Variants in JARID2 observed in about 807,000 individuals in gnomAD.
JARID2 encodes the protein protein Jumonji.
In JARID2, 21 loss-of-function variants were observed where a neutral mutation model predicts 125.6. The ratio of observed to expected loss-of-function variants is 0.17; its 90% CI spans 0.12 to 0.24. The LOEUF is 0.24. JARID2 is among the 10% of genes least tolerant of loss of function. The pLI, the probability that JARID2 is intolerant of heterozygous loss-of-function variation, is 1.00. For missense variants in JARID2, 1,303 were observed against 1,639.6 expected (o/e 0.79, Z 3.55); for synonymous variants, 736 against 661.6 (o/e 1.11, Z -1.73).
chr6:15,267,646 T>A (rs1479025944), intron 1 of JARID2, among the ~76,000 whole-genome samples: 1 of 152,198 alleles, frequency 6.6e-6, no homozygotes, highest in African/African-American at 2.4e-5. Flanking sequence ...GGCTGTCCTG[T>A]CTTCAGAAGT....
chr6:15,380,015 AT>A (rs35957436), intron 2 of JARID2, among the ~76,000 whole-genome samples: 155 of 143,534 alleles, frequency 1.1e-3, no homozygotes, highest in Non-Finnish European at 1.2e-3. Context: ...AGGTAAGTGG[AT>A]TTTTTTTTTT....
intron 3 of JARID2, among the ~76,000 whole-genome samples, chr6:15,422,421 C>T (rs1481239901): frequency 6.6e-6 from 1 of 152,120 alleles, no homozygotes; most frequent in African/African-American, 2.4e-5. Flanking sequence ...CAAGGTGAAC[C>T]TGAGTTCCTG....
intron 4 of JARID2, among the ~76,000 whole-genome samples, chr6:15,459,570 A>G (rs1768349327): frequency 6.6e-6 from 1 of 152,114 alleles, no homozygotes; most frequent in Admixed American, 6.5e-5. Flanking sequence ...CATTTTTTCC[A>G]GTGAATTGAG....
intron 1 of JARID2, among the ~76,000 whole-genome samples, chr6:15,362,878 T>A (rs1397446029): frequency 6.6e-6 from 1 of 152,190 alleles, no homozygotes; most frequent in Non-Finnish European, 1.5e-5. Context: ...CAGACAGGAT[T>A]ACCTGGATTT....
intron 3 of JARID2, among the ~76,000 whole-genome samples, chr6:15,433,991 A>G (rs1240455364): frequency 6.9e-6 from 1 of 144,966 alleles, no homozygotes; most frequent in East Asian, 2.1e-4. Flanking sequence ...AATAGGGTTG[A>G]GAATATGTAT....
At chr6:15,385,837 G>A (rs1561829093) in intron 2 of JARID2, among the ~76,000 whole-genome samples, 1 of 152,084 alleles carries the variant, frequency 6.6e-6, no homozygotes, top group African/African-American at 2.4e-5. Context: ...TGCTCACACC[G>A]TGACACCCTA....
chr6:15,438,756 C>T (rs948332078), intron 3 of JARID2, among the ~76,000 whole-genome samples: 3 of 152,240 alleles, frequency 2.0e-5, no homozygotes, highest in East Asian at 3.9e-4. Flanking sequence ...TGGCCATGCT[C>T]GGTGGCTCAC....
At chr6:15,271,991 C>G (rs1366920356) in intron 1 of JARID2, among the ~76,000 whole-genome samples, 1 of 152,134 alleles carries the variant, frequency 6.6e-6, no homozygotes, top group Non-Finnish European at 1.5e-5. Flanking sequence ...CAGAGCGAGA[C>G]TGTCGCCTGT....
At chr6:15,290,176 C>A (rs1464865098) in intron 1 of JARID2, among the ~76,000 whole-genome samples, 1 of 152,192 alleles carries the variant, frequency 6.6e-6, no homozygotes, top group Non-Finnish European at 1.5e-5. Context: ...TATAGCTTGT[C>A]CATTATTTTC....
chr6:15,399,291 T>C (rs1023546712), intron 2 of JARID2, among the ~76,000 whole-genome samples: 2 of 152,314 alleles, frequency 1.3e-5, no homozygotes, highest in Non-Finnish European at 1.5e-5. Flanking sequence ...GGTTCTCGGA[T>C]AGCCTCCTGT....
At chr6:15,354,876 T>C (rs563823926) in intron 1 of JARID2, among the ~76,000 whole-genome samples, 3 of 152,286 alleles carry the variant, frequency 2.0e-5, no homozygotes, top group East Asian at 3.9e-4. Flanking sequence ...AGAGAAGGCT[T>C]TGAAGAAGGT....
At chr6:15,288,950 G>A (rs1351787849) in intron 1 of JARID2, among the ~76,000 whole-genome samples, 1 of 152,192 alleles carries the variant, frequency 6.6e-6, no homozygotes, top group African/African-American at 2.4e-5. Flanking sequence ...TCTCGTTAGT[G>A]AGCAGTGGAT....
chr6:15,385,452 C>T (rs918611291), intron 2 of JARID2, among the ~76,000 whole-genome samples: 2 of 151,574 alleles, frequency 1.3e-5, no homozygotes, highest in Admixed American at 6.6e-5. Flanking sequence ...GGGACATGTG[C>T]GTGCGTTTAT....
chr6:15,512,549 C>G (rs1771329808), intron 14 of JARID2, among the ~76,000 whole-genome samples, 159 bp downstream of exon 14: 1 of 152,182 alleles, frequency 6.6e-6, no homozygotes, highest in Non-Finnish European at 1.5e-5. Flanking sequence ...GAAAGGTCTT[C>G]TAGGAATGAA....
chr6:15,412,815 G>A (rs972233964), intron 3 of JARID2, among the ~76,000 whole-genome samples: 6 of 152,008 alleles, frequency 3.9e-5, no homozygotes, highest in Admixed American at 3.3e-4. Flanking sequence ...TGTCTTCAAC[G>A]CACATACAGA....
chr6:15,308,818 A>G (rs940292751), intron 1 of JARID2, among the ~76,000 whole-genome samples: 5 of 152,240 alleles, frequency 3.3e-5, no homozygotes, highest in African/African-American at 1.2e-4. Flanking sequence ...TGGTTTTCTT[A>G]TATTTTGTCA....
chr6:15,491,163 A>C (rs1770132328), intron 6 of JARID2, among the ~76,000 whole-genome samples: 1 of 152,256 alleles, frequency 6.6e-6, no homozygotes, highest in African/African-American at 2.4e-5. Flanking sequence ...GTTTTTAAAA[A>C]AGTTAAAGGT....
intron 7 of JARID2, among the ~76,000 whole-genome samples, chr6:15,500,202 G>T (rs1770665938): frequency 6.6e-6 from 1 of 152,200 alleles, no homozygotes; most frequent in South Asian, 2.1e-4. Flanking sequence ...TCTGTGGCCT[G>T]ATCAGGAGGG....
At chr6:15,303,253 T>G (rs1761698478) in intron 1 of JARID2, among the ~76,000 whole-genome samples, 1 of 152,252 alleles carries the variant, frequency 6.6e-6, no homozygotes. Flanking sequence ...GTAGCGCACC[T>G]CGAACTTGAA....
Sources: gnomAD v4.1 joint callset for allele counts (sites outside exome capture counted in the v4.1 genomes callset) on GRCh38, gnomAD v4.1.1 for gene constraint, MANE v1.5 for transcripts, NCBI Gene and HGNC (gene_info 2026-07-23, HGNC 2026-07-21) for gene names.